The following CENPN variants were observed in gnomAD, a reference collection of about 807,000 sequenced individuals.
CENPN encodes interphase centromere complex protein 32.
Under a neutral mutation model 48.6 loss-of-function variants are expected in CENPN, and 36 were observed. That is an observed-to-expected ratio of 0.74 (90% CI 0.57 to 0.98). CENPN has a LOEUF of 0.98. Ranked by LOEUF, CENPN falls within the 50% of genes least tolerant of loss-of-function variation. CENPN has a pLI of 0.00. For missense variants in CENPN, 439 were observed against 399.2 expected (o/e 1.10, Z -0.85); for synonymous variants, 166 against 135.2 (o/e 1.23, Z -1.58).
At position 81,028,276 on chromosome 16, in the gene CENPN, T is replaced by C. The variant is rs748425082; in HGVS notation, c.916T>C (p.Leu306=). 3.5e-5 allele frequency: 56 copies of C among 1,614,016 alleles called. No individual in the cohort carries two copies. The highest frequency in any genetic ancestry group is 1.6e-4 in the Middle Eastern group (1 of 6,084). The change falls in exon 10 of 11, where the codon TTG becomes CTG. Residue 306 remains leucine (L), a synonymous_variant. Coordinates refer to ENST00000305850, the MANE Select transcript of CENPN (RefSeq NM_001100624.3). ...CTCTAGCCCACATCTTCTGGAAGCA[T>C]TGAAATCCTTAGCACCAGCGGGTGA... The part of the protein sequence containing the change: ...KFSSPHLLEA[L]KSLAPAGIAD...
intron 1 of CENPN, among the ~76,000 whole-genome samples, chr16:81,008,564 G>C (rs1346368923): frequency 6.6e-6 from 1 of 152,118 alleles, no homozygotes; most frequent in Admixed American, 6.5e-5. Flanking sequence ...TAGAGACGGA[G>C]TTTCACCATG....
chr16:81,013,897 A>G (rs12922999), intron 2 of CENPN, among the ~76,000 whole-genome samples: 1 of 152,340 alleles, frequency 6.6e-6, no homozygotes, highest in African/African-American at 2.4e-5. Flanking sequence ...GTTAATTTTT[A>G]AAAAATCAAA....
chr16:81,021,215 C>T (rs2151694372), intron 6 of CENPN, among the ~76,000 whole-genome samples: 1 of 152,190 alleles, frequency 6.6e-6, no homozygotes, highest in East Asian at 1.9e-4. Context: ...ACCATTTCTC[C>T]CACATTCCAT....
chr16:81,032,552 G>GTTTT, downstream of CENPN: 1 of 1,535,698 alleles, frequency 6.5e-7, no homozygotes, highest in African/African-American at 1.5e-5. Flanking sequence ...TTGATTTTCA[G>GTTTT]TGTTTTTTTT....
chr16:81,013,896 TA>T (rs1434093024), intron 2 of CENPN, among the ~76,000 whole-genome samples: 1 of 152,188 alleles, frequency 6.6e-6, no homozygotes, highest in Non-Finnish European at 1.5e-5. Context: ...AGTTAATTTT[TA>T]AAAAATCAAA....
chr16:81,012,032 G>A lies in CENPN; in HGVS notation c.93G>A (p.Leu31=), dbSNP rs765811342. 1.2e-5 allele frequency: 20 copies of A among 1,613,990 alleles called. No individual in the cohort carries two copies. Among genetic ancestry groups the A allele is most frequent in the Non-Finnish European group, 1.7e-5 (20 of 1,180,002 alleles). ...LTTILKAWDF[L]SENQLQTVNF... ...CAATCCTGAAGGCCTGGGATTTTTTGTCTGAAAATCAACTGCAGACTGTAA... is the reference window on the plus strand; with the variant it reads ...CAATCCTGAAGGCCTGGGATTTTTTATCTGAAAATCAACTGCAGACTGTAA... The change falls in exon 2 of 11, where the codon TTG becomes TTA. Residue 31 remains leucine (L), a synonymous_variant. Transcript: ENST00000305850.
intron 9 of CENPN, among the ~76,000 whole-genome samples, chr16:81,027,346 G>A (rs941770643): frequency 2.0e-5 from 3 of 152,074 alleles, no homozygotes; most frequent in African/African-American, 7.2e-5. Context: ...AAAAATACAA[G>A]GTGTGGTGGC....
At chr16:81,013,684 G>C (rs1294282426) in intron 2 of CENPN, among the ~76,000 whole-genome samples, 1 of 152,078 alleles carries the variant, frequency 6.6e-6, no homozygotes, top group East Asian at 1.9e-4. Flanking sequence ...TTGCGCGTTT[G>C]CACTCCTGCT....
In CENPN at chr16:81,028,702, C is replaced by G. The variant is rs374449585; in HGVS notation, c.*51C>G. The G allele has an allele frequency of 5.7e-6, 9 of 1,580,766 alleles. No homozygotes were observed. In the Admixed American group the frequency reaches 1.4e-4, roughly 24 times the overall value. ...CTCCTCCTTCTTGATATTGCACATG[C>G]ACTTCAGTTCATGGCTAGCTGTATA... On this transcript the variant is annotated 3_prime_UTR_variant, in exon 11 of 11. Coordinates refer to ENST00000305850, the MANE Select transcript of CENPN (RefSeq NM_001100624.3).
chr16:81,032,756 A>G, downstream of CENPN: 1 of 1,529,904 alleles, frequency 6.5e-7, no homozygotes, highest in Admixed American at 1.9e-5. Context: ...CTCTCCTGAT[A>G]TACAGCTAAC....
intron 8 of CENPN, 84 bp from the exon 9 acceptor site, chr16:81,026,442 C>T (rs972752180): frequency 2.1e-5 from 12 of 568,546 alleles, no homozygotes; most frequent in East Asian, 8.8e-5. Flanking sequence ...ACAAACAATT[C>T]GAAGGGTTAG....
intron 1 of CENPN, among the ~76,000 whole-genome samples, chr16:81,009,535 G>A (rs1439340728): frequency 4.6e-5 from 7 of 152,100 alleles, no homozygotes; most frequent in Non-Finnish European, 1.5e-5. Flanking sequence ...AAACAAATCC[G>A]ACTCCTGTTT....
chr16:81,021,702 G>C (rs1970213844), intron 6 of CENPN, among the ~76,000 whole-genome samples: 1 of 151,870 alleles, frequency 6.6e-6, no homozygotes, highest in Non-Finnish European at 1.5e-5. Context: ...TCCACTTATA[G>C]CCAGGTGAGT....
At chr16:81,008,962 T>C (rs1205041924) in intron 1 of CENPN, among the ~76,000 whole-genome samples, 2 of 152,208 alleles carry the variant, frequency 1.3e-5, no homozygotes, top group Admixed American at 1.3e-4. Flanking sequence ...ATCCCAGTAC[T>C]TTGGGAGGCC....
chr16:81,032,619 T>A (rs201374097), downstream of CENPN: 476 of 1,613,714 alleles, frequency 2.9e-4, no homozygotes, highest in Admixed American at 3.8e-4. Context: ...GAAGCCACAG[T>A]CAAGGGACCC....
intron 5 of CENPN, among the ~76,000 whole-genome samples, chr16:81,018,454 G>A (rs1970025087): frequency 6.6e-6 from 1 of 152,116 alleles, no homozygotes; most frequent in Non-Finnish European, 1.5e-5. Context: ...GATTACAGGT[G>A]TGAGCCACCG....
intron 9 of CENPN, among the ~76,000 whole-genome samples, chr16:81,027,925 A>C (rs1970583867): frequency 6.6e-6 from 1 of 152,170 alleles, no homozygotes; most frequent in East Asian, 1.9e-4. Flanking sequence ...GGCTGGTCTC[A>C]AACTCCTAAC....
At position 81,030,401 on chromosome 16, in the gene CENPN, G is replaced by T; in HGVS notation, c.*1750G>T. The T allele has an allele frequency of 1.0e-6, 1 of 985,082 alleles. No individual in the cohort carries two copies. Among genetic ancestry groups the T allele is most frequent in the Non-Finnish European group, 1.2e-6 (1 of 829,774 alleles). The allele number at this position is 985,082 out of a possible 1,614,324, so 61.0% of individuals were successfully genotyped here. On this transcript the variant is annotated 3_prime_UTR_variant, in exon 11 of 11. Coordinates refer to ENST00000305850, the MANE Select transcript of CENPN (RefSeq NM_001100624.3). ...CACACTTCTGATACCAGATATGTGG[G>T]GGAGGGGGTTTCCCCCACACATTAA...
intron 1 of CENPN, among the ~76,000 whole-genome samples, chr16:81,009,090 C>G (rs560317184): frequency 6.6e-6 from 1 of 152,080 alleles, no homozygotes; most frequent in Non-Finnish European, 1.5e-5. Context: ...ACCTGTAATC[C>G]CAGATACTCG....
Sources: gnomAD v4.1 joint callset for allele counts (sites outside exome capture counted in the v4.1 genomes callset) on GRCh38, gnomAD v4.1.1 for gene constraint, MANE v1.5 for transcripts, NCBI Gene and HGNC (gene_info 2026-07-23, HGNC 2026-07-21) for gene names.